WWP2: variants seen among roughly 807,000 people sequenced by gnomAD.
The protein encoded by WWP2 is NEDD4-like E3 ubiquitin-protein ligase WWP2.
WWP2 carries 57 observed loss-of-function variants against 121.0 expected under a neutral mutation model. The ratio of observed to expected loss-of-function variants is 0.47; its 90% confidence interval spans 0.38 to 0.59. WWP2 has a LOEUF of 0.59. Ranked by LOEUF, WWP2 falls within the 20% of genes least tolerant of loss-of-function variation. WWP2 has a pLI of 0.00. For missense variants in WWP2, 962 were observed against 1,158.9 expected (o/e 0.83, Z 2.47); for synonymous variants, 449 against 441.3 (o/e 1.02, Z -0.22).
At chr16:69,807,972 CA>C (rs1445899468) in intron 4 of WWP2, among the ~76,000 whole-genome samples, 2 of 151,956 alleles carry the variant, frequency 1.3e-5, no homozygotes, top group Non-Finnish European at 2.9e-5. Flanking sequence ...ACAAACAAAA[CA>C]AAAAACATTC....
intron 4 of WWP2, among the ~76,000 whole-genome samples, chr16:69,810,954 C>T (rs1417591635): frequency 6.6e-6 from 1 of 151,956 alleles, no homozygotes; most frequent in African/African-American, 2.4e-5. Flanking sequence ...GGGGTTTCAC[C>T]ATGTTGGCCA....
intron 21 of WWP2, among the ~76,000 whole-genome samples, chr16:69,938,127 G>C (rs977287392): frequency 4.6e-5 from 7 of 151,908 alleles, no homozygotes; most frequent in Non-Finnish European, 8.8e-5. Context: ...GCATATGTAC[G>C]TATACAAATT....
In WWP2 at chr16:69,938,979, C is replaced by G. The variant is rs760856909; in HGVS notation, c.2344-48C>G. 6 of 1,539,446 alleles carry G rather than the reference C, an allele frequency of 3.9e-6. No individual in the cohort carries two copies. In the Admixed American group the frequency reaches 1.1e-4, roughly 29 times the overall value. On this transcript the variant is annotated intron_variant, in intron 21 of 23. Coordinates refer to ENST00000359154, the MANE Select transcript of WWP2 (RefSeq NM_001270454.2). The stretch of plus-strand genomic sequence containing the variant: ...GAGAGCTCCACGTTCGGGCAAAGTA[C>G]TGGGCCCCGTGGGTTGCCTGACTGT...
intron 2 of WWP2, among the ~76,000 whole-genome samples, chr16:69,792,379 A>G (rs1005277269): frequency 1.3e-5 from 2 of 152,158 alleles, no homozygotes; most frequent in African/African-American, 4.8e-5. Flanking sequence ...TCAGTGTATA[A>G]TTTTGTCTTT....
intron 4 of WWP2, among the ~76,000 whole-genome samples, chr16:69,801,024 A>G (rs2056153055): frequency 6.7e-6 from 1 of 148,162 alleles, no homozygotes; most frequent in Non-Finnish European, 1.5e-5. Context: ...TGTTTCTACT[A>G]AGAAAAATAC....
chr16:69,868,364 G>C (rs569312084), intron 6 of WWP2, among the ~76,000 whole-genome samples: 7 of 152,290 alleles, frequency 4.6e-5, no homozygotes, highest in Admixed American at 2.6e-4. Context: ...TGCCCTTTCT[G>C]GGAAGGGAGG....
intron 13 of WWP2, 100 bp downstream of exon 13, chr16:69,930,358 G>C (rs879150980): frequency 2.6e-6 from 4 of 1,536,970 alleles, no homozygotes; most frequent in South Asian, 1.3e-5. Flanking sequence ...CCTGTGGTGC[G>C]TTCTACTGCC....
chr16:69,769,316 C>CAAAAAAAAAAAAAAAAAA (rs1186524809), intron 1 of WWP2, among the ~76,000 whole-genome samples: 1 of 76,400 alleles, frequency 1.3e-5, no homozygotes, highest in Non-Finnish European at 2.6e-5. Flanking sequence ...GACTCCATCT[C>CAAAAAAAAAAAAAAAAAA]AAAAAAAAAA....
chr16:69,781,975 C>CA (rs2055673217), intron 1 of WWP2, among the ~76,000 whole-genome samples: 1 of 152,108 alleles, frequency 6.6e-6, no homozygotes, highest in Admixed American at 6.6e-5. Context: ...CCCCACCTCT[C>CA]AATACTGTTA....
At chr16:69,906,112 G>A (rs910214598) in intron 8 of WWP2, among the ~76,000 whole-genome samples, 20 of 148,458 alleles carry the variant, frequency 1.3e-4, no homozygotes, top group South Asian at 8.5e-4. Context: ...TTGCTCTGTC[G>A]CCCAGACTGG....
intron 4 of WWP2, among the ~76,000 whole-genome samples, chr16:69,813,240 G>T (rs772354073): frequency 6.7e-6 from 1 of 149,912 alleles, no homozygotes; most frequent in Middle Eastern, 3.5e-3. Flanking sequence ...TTCGCTCACC[G>T]CAACCTCCGC....
intron 2 of WWP2, among the ~76,000 whole-genome samples, chr16:69,795,096 C>T (rs1365094916): frequency 1.3e-5 from 2 of 151,992 alleles, no homozygotes; most frequent in East Asian, 3.9e-4. Context: ...GTTAGCCAGG[C>T]GTGGTGTTGC....
intron 14 of WWP2, 75 bp downstream of exon 14, chr16:69,931,302 G>A: frequency 3.8e-6 from 6 of 1,574,946 alleles, no homozygotes; most frequent in Non-Finnish European, 5.2e-6. Context: ...CGGCACAGCA[G>A]CAGGTATCGG....
intron 7 of WWP2, among the ~76,000 whole-genome samples, chr16:69,885,451 A>T (rs2057907341): frequency 6.6e-6 from 1 of 152,250 alleles, no homozygotes; most frequent in Non-Finnish European, 1.5e-5. Context: ...AGAGAAAACA[A>T]GCAAATAAAT....
intron 4 of WWP2, among the ~76,000 whole-genome samples, chr16:69,835,853 A>G (rs920306241): frequency 3.3e-5 from 5 of 149,604 alleles, no homozygotes; most frequent in Non-Finnish European, 7.4e-5. Context: ...CCCAGGCTGG[A>G]ATGTGGTGGC....
At chr16:69,893,002 C>T (rs1008848085) in intron 8 of WWP2, among the ~76,000 whole-genome samples, 2 of 152,212 alleles carry the variant, frequency 1.3e-5, no homozygotes, top group Non-Finnish European at 2.9e-5. Context: ...GGGATCCACT[C>T]CACATCTCTG....
chr16:69,803,484 C>T (rs901303679), intron 4 of WWP2, among the ~76,000 whole-genome samples: 3 of 152,102 alleles, frequency 2.0e-5, no homozygotes, highest in East Asian at 1.9e-4. Flanking sequence ...CTCAACATGT[C>T]GTTTTGCAGT....
chr16:69,854,796 C>T (rs1320939452), intron 6 of WWP2, among the ~76,000 whole-genome samples: 1 of 152,202 alleles, frequency 6.6e-6, no homozygotes, highest in African/African-American at 2.4e-5. Context: ...GGTGATCCAC[C>T]TGCCTTGGCC....
intron 4 of WWP2, among the ~76,000 whole-genome samples, chr16:69,810,969 G>T (rs2056381264): frequency 6.6e-6 from 1 of 151,082 alleles, no homozygotes; most frequent in Non-Finnish European, 1.5e-5. Context: ...TGGCCAGGCT[G>T]GTCTTGAACT....
Sources: gnomAD v4.1 joint callset for allele counts (sites outside exome capture counted in the v4.1 genomes callset) on GRCh38, gnomAD v4.1.1 for gene constraint, MANE v1.5 for transcripts, NCBI Gene and HGNC (gene_info 2026-07-23, HGNC 2026-07-21) for gene names.